The following CIT variants were observed in gnomAD, a reference collection of about 807,000 sequenced individuals.
CIT encodes the protein citron rho-interacting serine/threonine kinase.
Under a neutral mutation model 272.7 loss-of-function variants are expected in CIT, and 79 were observed. The ratio of observed to expected loss-of-function variants is 0.29; its 90% CI spans 0.24 to 0.35. The LOEUF (loss-of-function observed/expected upper bound fraction) is 0.35, where lower values mean the gene tolerates loss of function less well. Ranked by LOEUF, CIT falls within the 10% of genes least tolerant of loss-of-function variation. The probability of loss-of-function intolerance (pLI) is 1.00; values close to 1 mark genes in which losing one functional copy is unlikely to be tolerated. For synonymous variants in CIT, 948 were observed against 995.6 expected, an observed-to-expected ratio of 0.95 and a Z score of 0.90; for missense variants, 1,909 against 2,618.3, an observed-to-expected ratio of 0.73 and a Z score of 5.91.
chr12:119,778,464 T>C (rs886337840), intron 13 of CIT, among the ~76,000 whole-genome samples: 3 of 152,160 alleles, frequency 2.0e-5, no homozygotes, highest in African/African-American at 7.2e-5. Flanking sequence ...TCTTTAAAAA[T>C]CACAATATTC....
At position 119,784,340 on chromosome 12, in the gene CIT, C is replaced by T. The variant is rs1465578867; in HGVS notation, c.1402-289G>A. ...ACAATCATCATTTTTCACCTGTTTG[C>T]TTTTGTTTTTGTTTTGTTTTTGCAG... On this transcript the variant is annotated intron_variant, in intron 11 of 47. Coordinates refer to ENST00000392521, the MANE Select transcript of CIT (RefSeq NM_001206999.2). The surrounding 1 kb of genome is among the most constrained non-coding windows in gnomAD (Gnocchi z 4.7). The T allele has an allele frequency of 2.9e-6, 4 of 1,383,392 alleles. No homozygotes were observed. The highest frequency in any genetic ancestry group is 3.8e-6 in the Non-Finnish European group (4 of 1,051,588). The allele number at this position is 1,383,392 out of a possible 1,614,324, so 85.7% of individuals were successfully genotyped here. A position where few individuals can be genotyped will look rare whatever the true frequency, so the allele number is the denominator to read the frequency against.
intron 26 of CIT, among the ~76,000 whole-genome samples, chr12:119,732,232 G>T (rs1593514372): frequency 6.6e-6 from 1 of 152,234 alleles, no homozygotes; most frequent in South Asian, 2.1e-4. Flanking sequence ...AAAAGGAAAA[G>T]AAAGGCACGA....
At position 119,697,154 on chromosome 12, in the gene CIT, C is replaced by A. The variant is rs2136953687; in HGVS notation, c.5882+505G>T. On this transcript the variant is annotated intron_variant, in intron 46 of 47. Coordinates refer to ENST00000392521, the MANE Select transcript of CIT (RefSeq NM_001206999.2). This position sits in a 1 kb window ranked among gnomAD's most constrained non-coding sequence, Gnocchi z 4.9. ...TGAGCACCCCTCACTGGTCTCCCTG[C>A]CCCCACCTCGTATCTGATGGGAAAT... Among the ~76,000 whole-genome samples the A allele has an allele frequency of 6.6e-6, 1 of 152,134 alleles. No homozygotes were observed. Among genetic ancestry groups the A allele is most frequent in the South Asian group, 2.1e-4 (1 of 4,812 alleles).
At position 119,769,021 on chromosome 12, in the gene CIT, G is replaced by A. The variant is rs1205269416; in HGVS notation, c.2208+1764C>T. ...TCCGGCGGGTGGCAAGATACACTCG[G>A]ACGAAGAAATCCGCTTATTTTTCCT... On this transcript the variant is annotated intron_variant, in intron 18 of 47. Transcript: ENST00000392521. 4.6e-5 allele frequency among the ~76,000 whole-genome samples: 7 copies of A among 151,834 alleles called. No homozygotes were observed. In the East Asian group the frequency reaches 1.4e-3, roughly 29 times the overall value.
Position 119,804,421 on chromosome 12 carries a change from G to A in CIT, c.1112-1032C>T. The stretch of plus-strand genomic sequence containing the variant: ...GTGCAGGCTGCATGCTCCCGGCTCC[G>A]TGCGTGCGTGCTCTGGCTGGAACCC... On this transcript the variant is annotated intron_variant, in intron 9 of 47. Transcript: ENST00000392521. The surrounding 1 kb of genome is among the most constrained non-coding windows in gnomAD (Gnocchi z 5.3). 3.0e-6 allele frequency: 3 copies of A among 985,728 alleles called. No individual in the cohort carries two copies. The highest frequency in any genetic ancestry group is 3.6e-6 in the Non-Finnish European group (3 of 830,174). The allele number at this position is 985,728 out of a possible 1,614,324, so 61.1% of individuals were successfully genotyped here. A position where few individuals can be genotyped will look rare whatever the true frequency, so the allele number is the denominator to read the frequency against.
intron 10 of CIT, among the ~76,000 whole-genome samples, chr12:119,787,228 G>T (rs548900699): frequency 8.5e-5 from 13 of 152,104 alleles, no homozygotes; most frequent in Admixed American, 5.2e-4. Context: ...GTCTCCCAAA[G>T]TGCTGGGATT....
chr12:119,784,913 G>C lies in CIT; in HGVS notation c.1401+47C>G. On this transcript the variant is annotated intron_variant, in intron 11 of 47. Transcript: ENST00000392521. The surrounding 1 kb of genome is among the most constrained non-coding windows in gnomAD (Gnocchi z 4.7). ...GGCGGATCCCTTGGCATATACGGAC[G>C]GGAGGATCCTGGAGCAAGGAAGGAG... The C allele has an allele frequency of 6.2e-7, 1 of 1,607,830 alleles. No homozygotes were observed. Among genetic ancestry groups the C allele is most frequent in the Non-Finnish European group, 8.5e-7 (1 of 1,176,956 alleles).
chr12:119,763,412 G>A (rs1404248971), intron 19 of CIT, among the ~76,000 whole-genome samples: 1 of 131,140 alleles, frequency 7.6e-6, no homozygotes, highest in African/African-American at 2.9e-5. Flanking sequence ...TAGACAAGAT[G>A]AGAAGGGCGT....
intron 4 of CIT, among the ~76,000 whole-genome samples, chr12:119,851,316 T>A (rs2138256534): frequency 6.6e-6 from 1 of 152,342 alleles, no homozygotes; most frequent in Middle Eastern, 3.4e-3. Context: ...ATATTGTATA[T>A]ACGTATGTGT....
At position 119,874,871 on chromosome 12, in the gene CIT, C is replaced by A. The variant is rs138144270; in HGVS notation, c.96+1202G>T. Among the ~76,000 whole-genome samples the A allele has an allele frequency of 4.1e-4, 56 of 135,230 alleles. 1 individual carries two copies. The highest frequency in any genetic ancestry group is 1.6e-3 in the South Asian group (7 of 4,376). 88.7% of individuals were successfully genotyped at this position (135,230 alleles called of 152,430 possible). The stretch of plus-strand genomic sequence containing the variant: ...CACTGCACTCCAGCCTGGGCGACAG[C>A]GAAGACTCTGTCTCAAAAAAAAAAA... On this transcript the variant is annotated intron_variant, in intron 2 of 47. Transcript: ENST00000392521.
chr12:119,687,584 T>G lies in CIT; in HGVS notation c.*648A>C, dbSNP rs1290155819. 1 of 152,282 alleles carries G rather than the reference T, an allele frequency of 6.6e-6. No individual in the cohort carries two copies. Among genetic ancestry groups the G allele is most frequent in the East Asian group, 1.9e-4 (1 of 5,170 alleles). 9.4% of individuals were successfully genotyped at this position (152,282 alleles called of 1,614,324 possible). ...AAAGGCAATGAAAACAGTAAACATTTGGCTACGATGTCACCCTGGGGAAAG... is the reference window on the plus strand; with the variant it reads ...AAAGGCAATGAAAACAGTAAACATTGGGCTACGATGTCACCCTGGGGAAAG... On this transcript the variant is annotated 3_prime_UTR_variant, in exon 48 of 48. Coordinates refer to ENST00000392521, the MANE Select transcript of CIT (RefSeq NM_001206999.2).
chr12:119,859,937 C>T (rs1236114312), intron 3 of CIT, among the ~76,000 whole-genome samples: 1 of 152,186 alleles, frequency 6.6e-6, no homozygotes, highest in African/African-American at 2.4e-5. Context: ...CCACCTCATT[C>T]TCCAGAGTAG....
At chr12:119,849,011 A>G (rs60392056) in intron 5 of CIT, among the ~76,000 whole-genome samples, 9,540 of 152,090 alleles carry the variant, frequency 0.063, 563 homozygotes, top group African/African-American at 0.15. Flanking sequence ...CCTGGTCTCA[A>G]AAAAAGAAGA....
At chr12:119,731,475 C>CAA (rs34429031) in intron 26 of CIT, among the ~76,000 whole-genome samples, 7,851 of 107,844 alleles carry the variant, frequency 0.073, 308 homozygotes, top group Admixed American at 0.13. Context: ...ACTCCATTCT[C>CAA]AAAAAAAAAA....
chr12:119,701,748 G>C lies in CIT; in HGVS notation c.5418C>G (p.Phe1806Leu). 6.2e-7 allele frequency: 1 copy of C among 1,614,264 alleles called. No homozygotes were observed. The highest frequency in any genetic ancestry group is 8.5e-7 in the Non-Finnish European group (1 of 1,180,054). Residue 1806 changes from phenylalanine to leucine, a missense_variant, in exon 43 of 48, where the codon TTC (phenylalanine) becomes TTG (leucine). This residue lies in a region of CIT where 780 missense variants were observed against 1,067.2 expected (regional missense o/e 0.73). Coordinates refer to ENST00000392521, the MANE Select transcript of CIT (RefSeq NM_001206999.2). ...IDMKQYTLEE[F>L]LDKNDHSLAP... ...CCAAGGAATGGTCATTCTTATCCAG[G>C]AATTCTGTAAAGGCAGGCGAGAAGC...
At chr12:119,748,174 G>GA (rs902921262) in intron 23 of CIT, among the ~76,000 whole-genome samples, 12 of 151,530 alleles carry the variant, frequency 7.9e-5, no homozygotes, top group African/African-American at 2.2e-4. Context: ...CAAAAAAAAG[G>GA]AAAAAAAACC....
At chr12:119,742,975 C>G (rs1020949786) in intron 23 of CIT, 1 of 152,138 alleles carries the variant, frequency 6.6e-6, no homozygotes, top group South Asian at 2.1e-4. Flanking sequence ...TTAAAAGCTG[C>G]GGACATTCAG....
intron 5 of CIT, among the ~76,000 whole-genome samples, chr12:119,843,638 C>T (rs1198505985): frequency 2.0e-5 from 3 of 151,938 alleles, no homozygotes. Flanking sequence ...AGTGAAACCC[C>T]GTCTCTACTA....
At chr12:119,829,231 G>A (rs561151806) in intron 7 of CIT, among the ~76,000 whole-genome samples, 3 of 152,118 alleles carry the variant, frequency 2.0e-5, no homozygotes, top group South Asian at 2.1e-4. Flanking sequence ...CCAGCTACTC[G>A]GGGAGCTGAG....
Sources: gnomAD v4.1 joint callset for allele counts (sites outside exome capture counted in the v4.1 genomes callset) on GRCh38, gnomAD v4.1.1 for gene constraint, gnomAD v4.1.1 regional missense constraint, Gnocchi (gnomAD v3.1) non-coding constraint, MANE v1.5 for transcripts, NCBI Gene and HGNC (gene_info 2026-07-23, HGNC 2026-07-21) for gene names.